Variants in UTRN observed in about 807,000 individuals in gnomAD.
UTRN encodes utrophin.
UTRN carries 283 observed loss-of-function variants against 463.9 expected under a neutral mutation model. The ratio of observed to expected loss-of-function variants is 0.61; its 90% confidence interval spans 0.55 to 0.67. UTRN has a LOEUF of 0.67. Among genes scored for constraint, UTRN ranks in the 30% least tolerant of loss-of-function variants. UTRN has a pLI of 0.00. For missense variants in UTRN, 3,922 were observed against 4,084.3 expected (o/e 0.96, Z 1.08); for synonymous variants, 1,442 against 1,431.5 (o/e 1.01, Z -0.17).
chr6:144,571,698 C>T lies in UTRN; in HGVS notation c.7290-5401C>T, dbSNP rs954833803. On this transcript the variant is annotated intron_variant, in intron 50 of 74. Coordinates refer to ENST00000367545, the MANE Select transcript of UTRN (RefSeq NM_007124.3). ...ATTACCAGCTAAAAACTGAGGTTTACTGTAATTTTGTTTCCTATGTGTTTG... is the reference window on the plus strand; with the variant it reads ...ATTACCAGCTAAAAACTGAGGTTTATTGTAATTTTGTTTCCTATGTGTTTG... 1.8e-4 allele frequency among the ~76,000 whole-genome samples: 28 copies of T among 152,176 alleles called. 1 individual carries two copies. The highest frequency in any genetic ancestry group is 1.8e-3 in the Admixed American group (27 of 15,262).
chr6:144,373,535 G>A (rs896178883), intron 2 of UTRN, among the ~76,000 whole-genome samples: 1 of 152,220 alleles, frequency 6.6e-6, no homozygotes, highest in African/African-American at 2.4e-5. Context: ...GAATGGGGGA[G>A]TAACTGCTAA....
intron 74 of UTRN, 146 bp from the exon 75 acceptor site, chr6:144,850,843 G>C: frequency 9.9e-7 from 1 of 1,014,720 alleles, no homozygotes; most frequent in South Asian, 1.3e-5. Flanking sequence ...GCATGAGAGG[G>C]AGGGACCTCA....
rs980335060 is a variant in UTRN at position 144,824,774 on chromosome 6, G to GC, written c.9495-2574_9495-2573insC. 5.9e-4 allele frequency among the ~76,000 whole-genome samples: 46 copies of GC among 77,334 alleles called. 1 individual carries two copies. Among genetic ancestry groups the GC allele is most frequent in the Admixed American group, 1.5e-3 (7 of 4,630 alleles). The allele number at this position is 77,334 out of a possible 152,430, so 50.7% of individuals were successfully genotyped here. On this transcript the variant is annotated intron_variant, in intron 66 of 74. Coordinates refer to ENST00000367545, the MANE Select transcript of UTRN (RefSeq NM_007124.3). ...CTAGGCAGTATGTGAAGTTGGTGGTGGGGGGGGGTGTCCCCCCAGCGTTAA... is the reference window on the plus strand; with the variant it reads ...CTAGGCAGTATGTGAAGTTGGTGGTGCGGGGGGGGTGTCCCCCCAGCGTTAA...
At chr6:144,628,404 CT>C (rs746481011) in intron 51 of UTRN, among the ~76,000 whole-genome samples, 1 of 151,976 alleles carries the variant, frequency 6.6e-6, no homozygotes, top group African/African-American at 2.4e-5. Flanking sequence ...GTGTTAGCCC[CT>C]TTTTTTTGAA....
chr6:144,512,937 C>T (rs1019698184), intron 35 of UTRN, among the ~76,000 whole-genome samples: 2 of 152,126 alleles, frequency 1.3e-5, no homozygotes, highest in Non-Finnish European at 1.5e-5. Flanking sequence ...TTTCTTTTAT[C>T]CCACAAAATA....
chr6:144,813,396 C>T (rs9497087), intron 65 of UTRN, among the ~76,000 whole-genome samples: 28,244 of 151,844 alleles, frequency 0.19, 3,509 homozygotes, highest in Admixed American at 0.35. Flanking sequence ...ACCTTGTTAG[C>T]CAGGATGATC....
chr6:144,426,092 T>C (rs1014570092), intron 6 of UTRN, among the ~76,000 whole-genome samples, 195 bp from the exon 7 acceptor site: 2 of 152,208 alleles, frequency 1.3e-5, no homozygotes, highest in Middle Eastern at 3.2e-3. Flanking sequence ...CCTCAAATTC[T>C]AGTCCCCCAA....
At chr6:144,360,055 C>T (rs1187667919) in intron 2 of UTRN, among the ~76,000 whole-genome samples, 1 of 94,564 alleles carries the variant, frequency 1.1e-5, no homozygotes, top group Non-Finnish European at 1.9e-5. Flanking sequence ...CCCTTCCCTT[C>T]CCTTCCCTTC....
At chr6:144,523,239 A>C in intron 41 of UTRN, 51 bp downstream of exon 41, 3 of 1,384,372 alleles carry the variant, frequency 2.2e-6, no homozygotes, top group Non-Finnish European at 2.9e-6. Context: ...CTGCAAGTTC[A>C]TGGGCGTGAA....
intron 33 of UTRN, 26 bp downstream of exon 33, chr6:144,493,482 T>A: frequency 6.3e-7 from 1 of 1,592,566 alleles, no homozygotes; most frequent in Non-Finnish European, 8.6e-7. Context: ...CCACAGCTCA[T>A]CTCTCTGTCT....
At chr6:144,388,954 T>G (rs940401026) in intron 2 of UTRN, among the ~76,000 whole-genome samples, 1 of 152,242 alleles carries the variant, frequency 6.6e-6, no homozygotes, top group Non-Finnish European at 1.5e-5. Context: ...GTATGAACCC[T>G]GAATATCTGA....
chr6:144,427,125 C>T (rs78348067), intron 7 of UTRN, among the ~76,000 whole-genome samples: 11,498 of 152,116 alleles, frequency 0.076, 534 homozygotes, highest in Admixed American at 0.16. Context: ...GAAATTGCTC[C>T]ATTACACAGG....
rs570139484 is a variant in UTRN at position 144,329,185 on chromosome 6, C to T, written c.79+37278C>T. 5.3e-5 allele frequency among the ~76,000 whole-genome samples: 8 copies of T among 150,952 alleles called. No individual in the cohort carries two copies. In the South Asian group the frequency reaches 8.4e-4, roughly 16 times the overall value. On this transcript the variant is annotated intron_variant, in intron 2 of 74. Coordinates refer to ENST00000367545, the MANE Select transcript of UTRN (RefSeq NM_007124.3). ...GCAACTTCTACCTCTCGGGTTCAAG[C>T]GATTCTCCTGCCTCAGACTCCCGAG...
chr6:144,377,246 A>G (rs1171436623), intron 2 of UTRN, among the ~76,000 whole-genome samples: 2 of 152,124 alleles, frequency 1.3e-5, no homozygotes, highest in Admixed American at 1.3e-4. Context: ...CATGTTGGCC[A>G]GGCTGGTCTT....
chr6:144,568,464 G>A (rs980460023), intron 50 of UTRN, among the ~76,000 whole-genome samples: 6 of 151,808 alleles, frequency 4.0e-5, no homozygotes, highest in South Asian at 2.1e-4. Context: ...TTCTCAATAC[G>A]TCCTCTAGCT....
chr6:144,329,742 C>A (rs539580841), intron 2 of UTRN, among the ~76,000 whole-genome samples: 1 of 152,126 alleles, frequency 6.6e-6, no homozygotes, highest in Non-Finnish European at 1.5e-5. Flanking sequence ...GTTCATGGAC[C>A]CCCTGCCTGG....
intron 61 of UTRN, 61 bp downstream of exon 61, chr6:144,782,184 T>A: frequency 7.1e-7 from 1 of 1,398,668 alleles, no homozygotes; most frequent in East Asian, 2.5e-5. Flanking sequence ...TAATAGAAAA[T>A]GTCTGATTTT....
intron 2 of UTRN, among the ~76,000 whole-genome samples, chr6:144,379,665 C>T (rs888678767): frequency 6.6e-6 from 1 of 152,226 alleles, no homozygotes; most frequent in African/African-American, 2.4e-5. Context: ...AATTTCAGCC[C>T]ATACTCAGTG....
intron 44 of UTRN, among the ~76,000 whole-genome samples, chr6:144,538,957 G>A (rs1797772171): frequency 6.6e-6 from 1 of 152,130 alleles, no homozygotes; most frequent in South Asian, 2.1e-4. Flanking sequence ...AGTTAGAAAA[G>A]GTGGAACAGT....
Sources: allele counts gnomAD v4.1 joint callset (sites outside exome capture counted in the v4.1 genomes callset), GRCh38; gene constraint gnomAD v4.1.1; transcripts MANE v1.5; gene names NCBI Gene and HGNC (gene_info 2026-07-23, HGNC 2026-07-21).